Variants in DLGAP2 observed in about 807,000 individuals in gnomAD.
DLGAP2 encodes the protein disks large-associated protein 2.
A neutral mutation model predicts 100.3 loss-of-function variants in DLGAP2; 26 were observed. The observed-to-expected ratio is 0.26, with a 90% CI of 0.19 to 0.36. The LOEUF is 0.36. Ranked by LOEUF, DLGAP2 falls within the 10% of genes least tolerant of loss-of-function variation. DLGAP2 has a pLI of 1.00. For missense variants in DLGAP2, 1,858 were observed against 1,453.2 expected (o/e 1.28, Z -4.53); for synonymous variants, 886 against 630.1 (o/e 1.41, Z -6.08).
At chr8:1,226,282 A>G (rs879264351) in intron 2 of DLGAP2, among the ~76,000 whole-genome samples, 7 of 152,234 alleles carry the variant, frequency 4.6e-5, no homozygotes, top group African/African-American at 7.2e-5. Flanking sequence ...ATGGAATACT[A>G]TGCAGCCATG....
At chr8:1,584,063 C>T (rs1185030389) in intron 6 of DLGAP2, among the ~76,000 whole-genome samples, 1 of 152,060 alleles carries the variant, frequency 6.6e-6, no homozygotes, top group East Asian at 1.9e-4. Context: ...GTTTGCTTTC[C>T]CGAGAGTCCC....
At chr8:1,623,087 C>T (rs1342654580) in intron 6 of DLGAP2, among the ~76,000 whole-genome samples, 1 of 152,218 alleles carries the variant, frequency 6.6e-6, no homozygotes, top group Non-Finnish European at 1.5e-5. Flanking sequence ...TAAAAAGCCT[C>T]TTAAGCCAAA....
intron 3 of DLGAP2, among the ~76,000 whole-genome samples, chr8:1,364,821 G>C (rs979678871): frequency 1.3e-5 from 2 of 152,236 alleles, no homozygotes; most frequent in African/African-American, 2.4e-5. Context: ...CGTCGGAGTT[G>C]GGGAGGCTCC....
At chr8:1,194,687 C>G (rs949999608) in intron 2 of DLGAP2, among the ~76,000 whole-genome samples, 1 of 152,208 alleles carries the variant, frequency 6.6e-6, no homozygotes, top group East Asian at 1.9e-4. Flanking sequence ...ACCACAGGGT[C>G]GTCCCGGAGC....
chr8:1,281,965 G>C (rs1259484140), intron 3 of DLGAP2, among the ~76,000 whole-genome samples: 1 of 134,408 alleles, frequency 7.4e-6, no homozygotes, highest in East Asian at 2.1e-4. Flanking sequence ...AAACCATCTG[G>C]ACATGGTGTA....
At chr8:1,135,357 C>G (rs897790009) in intron 2 of DLGAP2, among the ~76,000 whole-genome samples, 8 of 152,136 alleles carry the variant, frequency 5.3e-5, no homozygotes, top group African/African-American at 1.9e-4. Flanking sequence ...AGCTAAGGAC[C>G]CAGGCGGCTG....
intron 7 of DLGAP2, among the ~76,000 whole-genome samples, chr8:1,631,375 T>G (rs1473190072): frequency 6.6e-6 from 1 of 152,180 alleles, no homozygotes; most frequent in African/African-American, 2.4e-5. Context: ...TCTCACGCTG[T>G]CTACGATACA....
intron 2 of DLGAP2, among the ~76,000 whole-genome samples, chr8:1,250,917 A>G (rs1799025405): frequency 6.6e-6 from 1 of 152,160 alleles, no homozygotes; most frequent in South Asian, 2.1e-4. Flanking sequence ...TGTTGTCTTC[A>G]TTTGTACAAA....
chr8:1,358,268 C>G (rs911660644), intron 3 of DLGAP2, among the ~76,000 whole-genome samples: 3 of 152,132 alleles, frequency 2.0e-5, no homozygotes, highest in South Asian at 2.1e-4. Context: ...AGTAATTTCA[C>G]TGAAGTATTA....
rs1464082211 is a variant in DLGAP2, at chr8:1,541,072, G to A, written c.173-7554G>A. 2.0e-5 allele frequency among the ~76,000 whole-genome samples: 3 copies of A among 152,154 alleles called. No individual in the cohort carries two copies. The East Asian group carries it at 5.8e-4, about 29-fold the overall frequency. On this transcript the variant is annotated intron_variant, in intron 4 of 14. Coordinates refer to ENST00000637795, the MANE Select transcript of DLGAP2 (RefSeq NM_001346810.2). ...TCCTCTCAAGAGCATCAGAGTACTT[G>A]AGAATATTAACCATGTGTTATTCGG... is the stretch of plus-strand genomic sequence containing the variant.
intron 1 of DLGAP2, among the ~76,000 whole-genome samples, chr8:796,626 C>T (rs967580668): frequency 2.0e-5 from 3 of 152,152 alleles, no homozygotes; most frequent in Admixed American, 1.3e-4. Context: ...TGCGTCCCTC[C>T]TGTCCCTGCT....
intron 2 of DLGAP2, among the ~76,000 whole-genome samples, chr8:1,026,041 GC>G (rs1801789558): frequency 6.6e-6 from 1 of 152,222 alleles, no homozygotes; most frequent in Non-Finnish European, 1.5e-5. Flanking sequence ...GCCCGTCCAG[GC>G]CGCCTCCAGC....
At chr8:1,415,917 C>T (rs994233051) in intron 3 of DLGAP2, among the ~76,000 whole-genome samples, 2 of 152,122 alleles carry the variant, frequency 1.3e-5, no homozygotes, top group Non-Finnish European at 2.9e-5. Context: ...TACAATCCCA[C>T]AAACAGGGTA....
intron 1 of DLGAP2, among the ~76,000 whole-genome samples, chr8:820,933 T>G (rs114091043): frequency 0.043 from 6,613 of 152,264 alleles, 224 homozygotes; most frequent in African/African-American, 0.088. Context: ...GGATAAGTCT[T>G]GAAGAGCAGA....
In DLGAP2 at chr8:767,379, T is replaced by G. The variant is rs564181563; in HGVS notation, c.18+29554T>G. The stretch of plus-strand genomic sequence containing the variant: ...TTTTTTTTTTTTTTTGAGACAGAGT[T>G]TCGGTCTGTCGCCCATTCTGGAGTG... On this transcript the variant is annotated intron_variant, in intron 1 of 14. Transcript: ENST00000637795. Among the ~76,000 whole-genome samples, 1,097 of 147,658 alleles carry G rather than the reference T, an allele frequency of 7.4e-3. 3 individuals are homozygous for G. Among genetic ancestry groups the G allele is most frequent in the South Asian group, 0.015 (69 of 4,576 alleles).
At chr8:1,480,865 T>TA (rs370921329) in intron 3 of DLGAP2, among the ~76,000 whole-genome samples, 50 of 135,152 alleles carry the variant, frequency 3.7e-4, no homozygotes, top group East Asian at 2.0e-3. Flanking sequence ...AAACTCCATA[T>TA]AAAAAAAAAA....
At chr8:1,694,849 C>A (rs1319037738) in intron 13 of DLGAP2, among the ~76,000 whole-genome samples, 1 of 151,630 alleles carries the variant, frequency 6.6e-6, no homozygotes, top group Non-Finnish European at 1.5e-5. Flanking sequence ...CATGGCACAA[C>A]CATTGACTTT....
chr8:763,622 C>A (rs73673011), intron 1 of DLGAP2, among the ~76,000 whole-genome samples: 4,187 of 152,104 alleles, frequency 0.028, 210 homozygotes, highest in African/African-American at 0.096. Flanking sequence ...GGCAGGTGAG[C>A]AGATGGTGGT....
chr8:1,031,267 G>A (rs958938937), intron 2 of DLGAP2, among the ~76,000 whole-genome samples: 2 of 152,212 alleles, frequency 1.3e-5, no homozygotes, highest in African/African-American at 4.8e-5. Flanking sequence ...CAGGATGGAG[G>A]AGAAAGTGTA....
Sources: gnomAD v4.1 joint callset for allele counts (sites outside exome capture counted in the v4.1 genomes callset) on GRCh38, gnomAD v4.1.1 for gene constraint, MANE v1.5 for transcripts, NCBI Gene and HGNC (gene_info 2026-07-23, HGNC 2026-07-21) for gene names.